Variants in LIPI observed in about 807,000 individuals in gnomAD.
LIPI encodes lipase member I.
A neutral mutation model predicts 50.6 loss-of-function variants in LIPI; 59 were observed. The ratio of observed to expected loss-of-function variants is 1.16; its 90% CI spans 0.94 to 1.45. The LOEUF (loss-of-function observed/expected upper bound fraction) is 1.45, where lower values mean the gene tolerates loss of function less well. LIPI is among the 40% of genes most tolerant of loss of function. The probability of loss-of-function intolerance (pLI) is 0.00; values close to 1 mark genes in which losing one functional copy is unlikely to be tolerated. For missense variants in LIPI, 586 were observed against 536.3 expected (o/e 1.09, Z -0.92); for synonymous variants, 203 against 178.2 (o/e 1.14, Z -1.11).
chr21:14,135,793 A>T (rs1253233554), intron 9 of LIPI, among the ~76,000 whole-genome samples: 1 of 152,000 alleles, frequency 6.6e-6, no homozygotes, highest in Non-Finnish European at 1.5e-5. Context: ...CAATAGATTG[A>T]GGGGCCATGT....
chr21:14,151,775 A>G lies in LIPI; in HGVS notation c.1118+798T>C, dbSNP rs368963434. Among the ~76,000 whole-genome samples, 10 of 152,146 alleles carry G rather than the reference A, an allele frequency of 6.6e-5. No individual in the cohort carries two copies. The East Asian group carries it at 1.9e-3, about 29-fold the overall frequency. On this transcript the variant is annotated intron_variant, in intron 8 of 9. Coordinates refer to ENST00000681601, the MANE Select transcript of LIPI (RefSeq NM_001302998.2). The stretch of plus-strand genomic sequence containing the variant: ...GCCAAGAGCATTCTTTTATATAATT[A>G]TATAACCTTAAAATATGTACACACA...
intron 1 of LIPI, among the ~76,000 whole-genome samples, chr21:14,200,851 C>T (rs988137660): frequency 2.6e-5 from 4 of 152,068 alleles, no homozygotes; most frequent in African/African-American, 9.7e-5. Context: ...CATCACACTA[C>T]CTGACTTCAA....
At chr21:14,140,136 T>C (rs2017651731) in intron 9 of LIPI, among the ~76,000 whole-genome samples, 1 of 152,074 alleles carries the variant, frequency 6.6e-6, no homozygotes, top group South Asian at 2.1e-4. Context: ...GACACAAAGC[T>C]AAAAGCAAGA....
intron 9 of LIPI, among the ~76,000 whole-genome samples, chr21:14,141,747 C>T (rs2017718167): frequency 1.3e-5 from 2 of 152,110 alleles, no homozygotes; most frequent in Non-Finnish European, 2.9e-5. Context: ...TTTTACCGTC[C>T]ATATGAATGG....
chr21:14,143,176 TAAC>T (rs2017776500), intron 9 of LIPI, among the ~76,000 whole-genome samples: 1 of 152,110 alleles, frequency 6.6e-6, no homozygotes, highest in Admixed American at 6.6e-5. Context: ...ACAATAATAA[TAAC>T]AGATACAGAG....
intron 1 of LIPI, among the ~76,000 whole-genome samples, chr21:14,191,997 C>T (rs1486423774): frequency 1.3e-5 from 2 of 152,224 alleles, no homozygotes; most frequent in East Asian, 1.9e-4. Flanking sequence ...AACAGTGTTA[C>T]CTAACCAACT....
At chr21:14,180,212 C>T (rs1265414217) in intron 4 of LIPI, among the ~76,000 whole-genome samples, 1 of 152,100 alleles carries the variant, frequency 6.6e-6, no homozygotes, top group African/African-American at 2.4e-5. Flanking sequence ...TGCTCTTGAA[C>T]CCTGTTTTTT....
intron 4 of LIPI, among the ~76,000 whole-genome samples, chr21:14,170,434 T>A (rs1207620429): frequency 6.6e-6 from 1 of 152,084 alleles, no homozygotes; most frequent in East Asian, 1.9e-4. Context: ...TAGACCAATA[T>A]CCTTGATGAA....
At chr21:14,170,377 AT>A (rs2018850975) in intron 4 of LIPI, among the ~76,000 whole-genome samples, 3 of 152,190 alleles carry the variant, frequency 2.0e-5, no homozygotes, top group Admixed American at 2.0e-4. Context: ...GGCCAGCATC[AT>A]CCTGATACCA....
intron 8 of LIPI, among the ~76,000 whole-genome samples, chr21:14,152,318 T>G (rs189906926): frequency 2.0e-4 from 31 of 152,164 alleles, no homozygotes; most frequent in African/African-American, 7.5e-4. Flanking sequence ...GCCAGGATGG[T>G]CTCCATCTCC....
intron 9 of LIPI, among the ~76,000 whole-genome samples, chr21:14,125,721 G>A (rs920459604): frequency 7.1e-5 from 8 of 112,272 alleles, no homozygotes; most frequent in East Asian, 5.5e-4. Context: ...CAATGCCTAC[G>A]TAATTTTTTT....
At chr21:14,168,547 G>A (rs967828598) in intron 4 of LIPI, among the ~76,000 whole-genome samples, 66 of 152,332 alleles carry the variant, frequency 4.3e-4, no homozygotes, top group African/African-American at 1.4e-3. Flanking sequence ...AGGAGAGAGT[G>A]GGGGCCGATA....
At chr21:14,200,617 A>G (rs547909877) in intron 1 of LIPI, among the ~76,000 whole-genome samples, 1 of 152,142 alleles carries the variant, frequency 6.6e-6, no homozygotes, top group Non-Finnish European at 1.5e-5. Flanking sequence ...GATGGCACAC[A>G]AAAATAATCG....
Position 14,152,647 on chromosome 21 carries a change from T to C in LIPI, c.1044A>G (p.Lys348=). ...ATGAAAACGAGCCATCCATCATAGT[T>C]TTATCTGGAACAATTATACTGAGAA... ...YFVLSIIVPD[K]TMMDGSFSFK... is the part of the protein sequence containing the mutation. Residue 348 remains lysine (K), a synonymous_variant, in exon 8 of 10, where the codon AAA becomes AAG. Transcript: ENST00000681601. 6.4e-7 allele frequency: 1 copy of C among 1,564,658 alleles called. No homozygotes were observed. Among genetic ancestry groups the C allele is most frequent in the Non-Finnish European group, 8.8e-7 (1 of 1,136,616 alleles).
At chr21:14,168,712 G>T (rs953651069) in intron 4 of LIPI, among the ~76,000 whole-genome samples, 8 of 152,130 alleles carry the variant, frequency 5.3e-5, no homozygotes, top group African/African-American at 1.9e-4. Context: ...GCTCCTGAAG[G>T]AAGCACTAAA....
At chr21:14,179,743 G>A (rs112184704) in intron 4 of LIPI, among the ~76,000 whole-genome samples, 8 of 152,216 alleles carry the variant, frequency 5.3e-5, no homozygotes, top group East Asian at 1.9e-4. Context: ...ATCTTCATAA[G>A]CTGAGGATAT....
intron 9 of LIPI, among the ~76,000 whole-genome samples, chr21:14,135,720 G>A (rs2017472113): frequency 6.6e-6 from 1 of 152,154 alleles, no homozygotes; most frequent in South Asian, 2.1e-4. Flanking sequence ...AGCTTGAAAG[G>A]CAGTCTAGGC....
At chr21:14,123,667 A>C (rs2016945644) in intron 9 of LIPI, among the ~76,000 whole-genome samples, 1 of 152,212 alleles carries the variant, frequency 6.6e-6, no homozygotes, top group Admixed American at 6.5e-5. Flanking sequence ...AAGAATTATC[A>C]AATGCTATGG....
intron 2 of LIPI, among the ~76,000 whole-genome samples, chr21:14,186,422 A>G (rs953164216): frequency 9.9e-5 from 15 of 152,210 alleles, no homozygotes; most frequent in African/African-American, 2.9e-4. Context: ...CAAAGTTCAT[A>G]TTTAATACTT....
Sources: allele counts gnomAD v4.1 joint callset (sites outside exome capture counted in the v4.1 genomes callset), GRCh38; gene constraint gnomAD v4.1.1; transcripts MANE v1.5; gene names NCBI Gene and HGNC (gene_info 2026-07-23, HGNC 2026-07-21).